HIVEP3: variants seen among roughly 807,000 people sequenced by gnomAD.
HIVEP3 encodes the protein HIVEP zinc finger 3.
In HIVEP3, 49 loss-of-function variants were observed where a neutral mutation model predicts 152.8. The ratio of observed to expected loss-of-function variants is 0.32; its 90% CI spans 0.26 to 0.41. The LOEUF (loss-of-function observed/expected upper bound fraction) is 0.41, where lower values mean the gene tolerates loss of function less well. Ranked by LOEUF, HIVEP3 falls within the 10% of genes least tolerant of loss-of-function variation. The pLI is 1.00. For synonymous variants in HIVEP3, 1,269 were observed against 1,289.0 expected (o/e 0.98, Z 0.33); for missense variants, 2,790 against 3,103.3 (o/e 0.90, Z 2.40).
At chr1:41,739,111 C>T (rs1288390438) in intron 1 of HIVEP3, among the ~76,000 whole-genome samples, 4 of 152,246 alleles carry the variant, frequency 2.6e-5, no homozygotes, top group Admixed American at 6.5e-5. Flanking sequence ...TCGATGCCCC[C>T]GACTTGCTGC....
chr1:41,982,560 G>A (rs1175601210), intron 1 of HIVEP3, among the ~76,000 whole-genome samples: 2 of 152,038 alleles, frequency 1.3e-5, no homozygotes, highest in Non-Finnish European at 2.9e-5. Context: ...ATGAAACTGG[G>A]AAACTGTAAT....
intron 2 of HIVEP3, among the ~76,000 whole-genome samples, chr1:41,666,241 G>T (rs1322908738): frequency 6.6e-6 from 1 of 152,158 alleles, no homozygotes; most frequent in Non-Finnish European, 1.5e-5. Flanking sequence ...ACTAGAGTTT[G>T]CATTTTATGG....
At chr1:41,972,381 T>C (rs1005305376) in intron 1 of HIVEP3, among the ~76,000 whole-genome samples, 3 of 152,176 alleles carry the variant, frequency 2.0e-5, no homozygotes, top group Admixed American at 6.5e-5. Context: ...GGGCCTATAG[T>C]GATACAGCAC....
chr1:41,895,538 C>T (rs1016261513), intron 1 of HIVEP3, among the ~76,000 whole-genome samples: 1 of 152,322 alleles, frequency 6.6e-6, no homozygotes, highest in South Asian at 2.1e-4. Flanking sequence ...CCAGGCCAAT[C>T]AGAAGTACTG....
intron 1 of HIVEP3, among the ~76,000 whole-genome samples, chr1:41,898,706 T>G (rs1405119095): frequency 6.6e-6 from 1 of 152,228 alleles, no homozygotes; most frequent in Non-Finnish European, 1.5e-5. Context: ...ATCCTCTGTC[T>G]GAGTTCTGAA....
At chr1:41,825,299 G>T (rs988439230) in intron 1 of HIVEP3, among the ~76,000 whole-genome samples, 2 of 152,022 alleles carry the variant, frequency 1.3e-5, no homozygotes, top group Non-Finnish European at 2.9e-5. Flanking sequence ...AGGGAAGAAT[G>T]TTACAAAGTA....
chr1:41,805,962 C>T (rs895974960), intron 1 of HIVEP3, among the ~76,000 whole-genome samples: 1 of 152,172 alleles, frequency 6.6e-6, no homozygotes, highest in African/African-American at 2.4e-5. Flanking sequence ...CTGATTCCCC[C>T]CACTCCCTCC....
intron 3 of HIVEP3, among the ~76,000 whole-genome samples, chr1:41,592,443 T>C (rs369462123): frequency 6.6e-6 from 1 of 152,248 alleles, no homozygotes; most frequent in Non-Finnish European, 1.5e-5. Context: ...TTTCCTAGTT[T>C]GCTCAGGCTG....
chr1:41,678,221 C>G (rs1645985744), intron 2 of HIVEP3, among the ~76,000 whole-genome samples: 1 of 152,204 alleles, frequency 6.6e-6, no homozygotes, highest in Admixed American at 6.5e-5. Context: ...CTGCTGCACT[C>G]CTGGGCCGCT....
chr1:41,993,226 G>A (rs1324777557), intron 1 of HIVEP3, among the ~76,000 whole-genome samples: 1 of 151,542 alleles, frequency 6.6e-6, no homozygotes, highest in African/African-American at 2.4e-5. Flanking sequence ...TACAAAATGG[G>A]AGAAAATTTT....
chr1:41,989,244 T>G, intron 1 of HIVEP3, among the ~76,000 whole-genome samples: 1 of 152,214 alleles, frequency 6.6e-6, no homozygotes, highest in East Asian at 1.9e-4. Context: ...ATGATAATTA[T>G]ATGTGTTAAT....
chr1:41,896,449 G>A (rs1644528454), intron 1 of HIVEP3, among the ~76,000 whole-genome samples: 1 of 152,154 alleles, frequency 6.6e-6, no homozygotes, highest in Admixed American at 6.5e-5. Context: ...TTAGGTGCCC[G>A]GCCCACTGCT....
intron 1 of HIVEP3, among the ~76,000 whole-genome samples, chr1:41,749,404 T>TTGTGTGTGTGTGTGTGTGTG (rs3064239): frequency 0.29 from 40,464 of 140,078 alleles, 6,935 homozygotes; most frequent in Non-Finnish European, 0.37. Flanking sequence ...TTAGAAAAAA[T>TTGTGTGTGTGTGTGTGTGTG]TGTGTGTGTG....
chr1:42,006,377 C>G (rs1645459409), intron 1 of HIVEP3, among the ~76,000 whole-genome samples: 1 of 152,070 alleles, frequency 6.6e-6, no homozygotes, highest in Non-Finnish European at 1.5e-5. Flanking sequence ...GGTCTCAGGA[C>G]CTCCTTACAT....
intron 1 of HIVEP3, among the ~76,000 whole-genome samples, chr1:42,001,856 C>T (rs1645429906): frequency 6.6e-6 from 1 of 151,990 alleles, no homozygotes; most frequent in Admixed American, 6.5e-5. Context: ...GCCCTGACCC[C>T]ACTCTCAGGA....
At chr1:41,863,239 G>A (rs150200185) in intron 1 of HIVEP3, among the ~76,000 whole-genome samples, 161 of 152,322 alleles carry the variant, frequency 1.1e-3, no homozygotes, top group Middle Eastern at 3.4e-3. Context: ...AGTAAACTGC[G>A]TAAGGTGGGG....
At chr1:41,539,842 A>G (rs978985649) in intron 5 of HIVEP3, among the ~76,000 whole-genome samples, 4 of 152,278 alleles carry the variant, frequency 2.6e-5, no homozygotes, top group African/African-American at 9.6e-5. Flanking sequence ...ACCTTTCATC[A>G]CATAAAAATA....
rs1462298288 is a variant in HIVEP3, at chr1:41,635,484, A to ATATATATG, written c.-720-6538_-720-6537insCATATATA. 4.7e-5 allele frequency among the ~76,000 whole-genome samples: 7 copies of ATATATATG among 149,304 alleles called. 1 individual carries two copies. Among genetic ancestry groups the ATATATATG allele is most frequent in the African/African-American group, 1.7e-4 (7 of 40,222 alleles). ...AATGACAGCAACCACAACTATATAT[A>ATATATATG]TATATACACACACATATATACATAT... On this transcript the variant is annotated intron_variant, in intron 2 of 8. Transcript: ENST00000372583.
chr1:41,964,735 G>A (rs983947913), intron 1 of HIVEP3, among the ~76,000 whole-genome samples: 3 of 152,200 alleles, frequency 2.0e-5, no homozygotes, highest in Non-Finnish European at 2.9e-5. Context: ...ATTCCAGCAA[G>A]GGGTTTAGGA....
Sources: gnomAD v4.1 joint callset for allele counts (sites outside exome capture counted in the v4.1 genomes callset) on GRCh38, gnomAD v4.1.1 for gene constraint, MANE v1.5 for transcripts, NCBI Gene and HGNC (gene_info 2026-07-23, HGNC 2026-07-21) for gene names.